NAALADL2: variants seen among roughly 807,000 people sequenced by gnomAD.
NAALADL2 encodes inactive N-acetylated-alpha-linked acidic dipeptidase-like protein 2.
NAALADL2 carries 76 observed loss-of-function variants against 87.2 expected under a neutral mutation model. The observed-to-expected ratio is 0.87, with a 90% CI of 0.72 to 1.05. The LOEUF (loss-of-function observed/expected upper bound fraction) is 1.05, where lower values mean the gene tolerates loss of function less well. NAALADL2 is among the 50% of genes least tolerant of loss of function. NAALADL2 has a pLI of 0.00. For missense variants in NAALADL2, 1,089 were observed against 945.8 expected, an observed-to-expected ratio of 1.15 and a Z score of -1.99; for synonymous variants, 354 against 331.0, an observed-to-expected ratio of 1.07 and a Z score of -0.75.
chr3:174,618,823 T>C (rs1373176854), intron 2 of NAALADL2, among the ~76,000 whole-genome samples: 1 of 151,934 alleles, frequency 6.6e-6, no homozygotes, highest in African/African-American at 2.4e-5. Flanking sequence ...TATAACTGTT[T>C]AAAGAAAAGT....
intron 2 of NAALADL2, among the ~76,000 whole-genome samples, chr3:175,159,831 C>CTTTTCT (rs1313367625): frequency 1.3e-5 from 2 of 150,648 alleles, no homozygotes; most frequent in South Asian, 2.1e-4. Flanking sequence ...CTCTCTCTCT[C>CTTTTCT]TTTTCTTTTT....
At chr3:175,323,388 A>G (rs1760196529) in intron 4 of NAALADL2, among the ~76,000 whole-genome samples, 1 of 149,314 alleles carries the variant, frequency 6.7e-6, no homozygotes, top group East Asian at 2.0e-4. Flanking sequence ...ATCTAATGCT[A>G]GATGACGAGT....
chr3:175,342,156 A>C lies in NAALADL2; in HGVS notation c.1090+17831A>C, dbSNP rs146532680. ...ATAATTCTTGGTCTCTTACATTTGC[A>C]TATGAAGCATCTACTGTTTTAAAAG... On this transcript the variant is annotated intron_variant, in intron 5 of 13. Coordinates refer to ENST00000454872, the MANE Select transcript of NAALADL2 (RefSeq NM_207015.3). 1.1e-4 allele frequency among the ~76,000 whole-genome samples: 17 copies of C among 152,246 alleles called. No individual in the cohort carries two copies. In the East Asian group the frequency reaches 2.7e-3, roughly 24 times the overall value.
intron 11 of NAALADL2, among the ~76,000 whole-genome samples, chr3:175,635,256 T>A (rs1728353602): frequency 6.6e-6 from 1 of 152,060 alleles, no homozygotes; most frequent in Non-Finnish European, 1.5e-5. Context: ...CAAAAGTGAA[T>A]TATTACACAA....
chr3:174,455,629 C>T lies in NAALADL2; in HGVS notation c.-184+14597C>T, dbSNP rs555182905. ...AGAACTAAAGACAAAACCATATGAT[C>T]ATCTCAATAGATTCAGAAAAGGCTT... On this transcript the variant is annotated intron_variant, in intron 1 of 3. Coordinates refer to the NAALADL2 transcript ENST00000434257. 1.3e-3 allele frequency among the ~76,000 whole-genome samples: 194 copies of T among 152,236 alleles called. 1 individual carries two copies. The highest frequency in any genetic ancestry group is 4.4e-3 in the African/African-American group (184 of 41,548).
At chr3:175,434,171 C>CAAT (rs1451716471) in intron 5 of NAALADL2, among the ~76,000 whole-genome samples, 1 of 151,946 alleles carries the variant, frequency 6.6e-6, no homozygotes, top group African/African-American at 2.4e-5. Flanking sequence ...GTAAGACATT[C>CAAT]ACCTCAAATT....
chr3:175,105,375 G>T (rs888302896), intron 2 of NAALADL2, among the ~76,000 whole-genome samples: 9 of 151,742 alleles, frequency 5.9e-5, no homozygotes, highest in Admixed American at 2.6e-4. Context: ...TGTCCATGAG[G>T]ATTATCACTT....
In NAALADL2 at chr3:174,644,006, G is replaced by A. The variant is rs570899458; in HGVS notation, c.-115+93369G>A. Among the ~76,000 whole-genome samples the A allele has an allele frequency of 2.6e-5, 4 of 152,274 alleles. No homozygotes were observed. In the East Asian group the frequency reaches 7.7e-4, roughly 29 times the overall value. On this transcript the variant is annotated intron_variant, in intron 2 of 3. Coordinates refer to the NAALADL2 transcript ENST00000434257. ...TTTTAAATTTAAGGTCACTACCACA[G>A]TAGTTTATTGTATAATTTTGTTTTA...
intron 1 of NAALADL2, among the ~76,000 whole-genome samples, chr3:175,034,926 T>C (rs1051792086): frequency 6.6e-6 from 1 of 152,216 alleles, no homozygotes; most frequent in Non-Finnish European, 1.5e-5. Context: ...GTGTCTTCTC[T>C]CATTAAAATA....
chr3:174,742,745 A>T (rs1451630124), intron 3 of NAALADL2, among the ~76,000 whole-genome samples: 1 of 151,748 alleles, frequency 6.6e-6, no homozygotes, highest in African/African-American at 2.4e-5. Flanking sequence ...CTGTTTTTTA[A>T]TGCATTTAAG....
chr3:175,195,966 A>G (rs1461281), intron 2 of NAALADL2, among the ~76,000 whole-genome samples: 56,628 of 151,666 alleles, frequency 0.37, 11,765 homozygotes, highest in East Asian at 0.52. Flanking sequence ...AAGAGCTTAT[A>G]TTTGGGGGCA....
At chr3:175,778,971 A>G (rs965850206) in intron 13 of NAALADL2, among the ~76,000 whole-genome samples, 1 of 152,224 alleles carries the variant, frequency 6.6e-6, no homozygotes, top group Non-Finnish European at 1.5e-5. Context: ...CACACACAAA[A>G]AAATGAAGAC....
chr3:174,441,471 G>A (rs1024724676), intron 1 of NAALADL2, among the ~76,000 whole-genome samples: 2 of 152,168 alleles, frequency 1.3e-5, no homozygotes, highest in African/African-American at 2.4e-5. Context: ...GCGGGGCGCA[G>A]GTAAAGAGCG....
intron 3 of NAALADL2, among the ~76,000 whole-genome samples, chr3:174,749,728 C>T (rs1180917420): frequency 6.6e-6 from 1 of 152,108 alleles, no homozygotes; most frequent in Admixed American, 6.5e-5. Context: ...TGGACAATGC[C>T]ATACAATCCT....
intron 4 of NAALADL2, chr3:175,257,147 T>C (rs1029477722): frequency 1.4e-5 from 2 of 147,700 alleles, no homozygotes; most frequent in African/African-American, 5.0e-5. Context: ...ACCAGCACAA[T>C]AGACAGCCAC....
intron 1 of NAALADL2, among the ~76,000 whole-genome samples, chr3:175,013,511 C>T (rs934086295): frequency 1.1e-4 from 16 of 151,372 alleles, no homozygotes; most frequent in African/African-American, 3.4e-4. Flanking sequence ...GTTGTCCATG[C>T]TGCTCTTGAA....
intron 2 of NAALADL2, among the ~76,000 whole-genome samples, chr3:174,642,763 TATATATATATATATATATATATA>T (rs1371969548): frequency 0.011 from 386 of 36,330 alleles, 5 homozygotes; most frequent in African/African-American, 0.055. Flanking sequence ...TATATATATA[TATATATATATATATATATATATA>T]TATGTTTTTT....
chr3:175,070,282 A>ATT (rs561150308), intron 1 of NAALADL2, among the ~76,000 whole-genome samples: 10 of 151,746 alleles, frequency 6.6e-5, no homozygotes, highest in East Asian at 1.9e-4. Flanking sequence ...AAAAGTATAA[A>ATT]TTTTTATTTT....
At position 175,565,744 on chromosome 3, in the gene NAALADL2, A is replaced by G. The variant is rs372697438; in HGVS notation, c.1654-10297A>G. ...TTCTCCACTGTTAGGCATTTCTTCA[A>G]TTGTGAATATTTCTGAAACTGGGCC... On this transcript the variant is annotated intron_variant, in intron 9 of 13. Coordinates refer to ENST00000454872, the MANE Select transcript of NAALADL2 (RefSeq NM_207015.3). Among the ~76,000 whole-genome samples the G allele has an allele frequency of 1.2e-3, 179 of 151,174 alleles. 6 individuals carry two copies. The South Asian group carries it at 0.036, about 31-fold the overall frequency.
Sources: allele counts gnomAD v4.1 joint callset (sites outside exome capture counted in the v4.1 genomes callset), GRCh38; gene constraint gnomAD v4.1.1; transcripts MANE v1.5; gene names NCBI Gene and HGNC (gene_info 2026-07-23, HGNC 2026-07-21).